DNM3: variants seen among roughly 807,000 people sequenced by gnomAD.
The protein encoded by DNM3 is dynamin 3, also known as dynamin-3.
In DNM3, 47 loss-of-function variants were observed where a neutral mutation model predicts 101.6. The observed-to-expected ratio is 0.46, with a 90% CI of 0.37 to 0.59. The LOEUF is 0.59. DNM3 is among the 20% of genes least tolerant of loss of function. The pLI, the probability that DNM3 is intolerant of heterozygous loss-of-function variation, is 0.00. For synonymous variants in DNM3, 385 were observed against 387.9 expected, an observed-to-expected ratio of 0.99 and a Z score of 0.09; for missense variants, 849 against 1,085.7, an observed-to-expected ratio of 0.78 and a Z score of 3.06.
intron 2 of DNM3, among the ~76,000 whole-genome samples, chr1:171,976,632 G>A (rs190463950): frequency 6.6e-6 from 1 of 152,112 alleles, no homozygotes; most frequent in East Asian, 1.9e-4. Context: ...CCATATCATT[G>A]ACATTTAAGG....
At chr1:171,885,482 C>T (rs1429512104) in intron 1 of DNM3, among the ~76,000 whole-genome samples, 1 of 152,088 alleles carries the variant, frequency 6.6e-6, no homozygotes, top group Non-Finnish European at 1.5e-5. Context: ...TTCTCAGAGT[C>T]AAGGCCTCTG....
rs747047154 is a variant in DNM3, at chr1:172,033,276, T to C, written c.849+11T>C. 2 of 1,580,424 alleles carry C rather than the reference T, an allele frequency of 1.3e-6. No homozygotes were observed. On this transcript the variant is annotated intron_variant, in intron 6 of 20. Transcript: ENST00000627582. Reference sequence around the variant, plus strand: ...AAGGTCCTTAATCAGGTAAAAATGTTCTTTCAAGCAACAAGAACAATTATG... The same window carrying C: ...AAGGTCCTTAATCAGGTAAAAATGTCCTTTCAAGCAACAAGAACAATTATG...
chr1:172,028,308 T>C (rs2048356243), intron 4 of DNM3, among the ~76,000 whole-genome samples: 1 of 152,220 alleles, frequency 6.6e-6, no homozygotes, highest in Non-Finnish European at 1.5e-5. Context: ...AACCTGCTCC[T>C]GAATGACTAC....
At chr1:172,340,261 TC>T (rs2066626612) in intron 17 of DNM3, among the ~76,000 whole-genome samples, 1 of 152,164 alleles carries the variant, frequency 6.6e-6, no homozygotes, top group African/African-American at 2.4e-5. Context: ...TAGGATGTAA[TC>T]AGAATCAGAT....
At chr1:172,302,319 G>T (rs1270255365) in intron 15 of DNM3, among the ~76,000 whole-genome samples, 1 of 152,216 alleles carries the variant, frequency 6.6e-6, no homozygotes, top group East Asian at 1.9e-4. Flanking sequence ...AGCAGGGGGA[G>T]GGGTGTCCCC....
intron 20 of DNM3, among the ~76,000 whole-genome samples, chr1:172,395,144 T>C (rs2069869516): frequency 6.6e-6 from 1 of 151,960 alleles, no homozygotes; most frequent in African/African-American, 2.4e-5. Context: ...GGGGAACTTC[T>C]TCCTTCTTTC....
intron 1 of DNM3, among the ~76,000 whole-genome samples, chr1:171,844,655 GAA>G (rs2031791377): frequency 1.3e-5 from 2 of 152,180 alleles, no homozygotes; most frequent in Non-Finnish European, 2.9e-5. Context: ...CTGAAGTGAT[GAA>G]CTTGCATATT....
chr1:171,882,585 A>C (rs113209114), intron 1 of DNM3, among the ~76,000 whole-genome samples: 1 of 152,102 alleles, frequency 6.6e-6, no homozygotes, highest in Non-Finnish European at 1.5e-5. Flanking sequence ...CCCATATTCA[A>C]AATTTGCCTA....
chr1:172,049,426 C>A (rs2050049427), intron 10 of DNM3, among the ~76,000 whole-genome samples: 1 of 152,142 alleles, frequency 6.6e-6, no homozygotes, highest in African/African-American at 2.4e-5. Context: ...TAAATGGTGG[C>A]TGATCCATAA....
intron 4 of DNM3, among the ~76,000 whole-genome samples, chr1:172,017,318 T>C (rs1259946366): frequency 2.0e-5 from 3 of 152,150 alleles, no homozygotes; most frequent in Non-Finnish European, 4.4e-5. Context: ...ATGTTTCTTT[T>C]TTTCTAATAT....
At position 171,901,128 on chromosome 1, in the gene DNM3, AAAAG is replaced by A. The variant is rs1344607024; in HGVS notation, c.162-20612_162-20609del. Reference sequence around the variant, plus strand: ...ACTCTGTCTCAAAAAAAAAAAAAAAAAAAGAAAGAAATCTATGAAGTTCAGCACC... The same window carrying A: ...ACTCTGTCTCAAAAAAAAAAAAAAAAAAAGAAATCTATGAAGTTCAGCACC... On this transcript the variant is annotated intron_variant, in intron 1 of 20. Coordinates refer to ENST00000627582, the MANE Select transcript of DNM3 (RefSeq NM_015569.5). Among the ~76,000 whole-genome samples the A allele has an allele frequency of 6.5e-3, 962 of 148,740 alleles. 64 individuals are homozygous for A. Among genetic ancestry groups the A allele is most frequent in the African/African-American group, 0.01 (420 of 40,488 alleles).
At chr1:172,065,054 G>A (rs760631939) in intron 10 of DNM3, among the ~76,000 whole-genome samples, 3 of 152,168 alleles carry the variant, frequency 2.0e-5, no homozygotes, top group Non-Finnish European at 4.4e-5. Flanking sequence ...CAATGCTCCT[G>A]CCAAGGCCAG....
At chr1:172,171,532 A>C (rs1022316825) in intron 14 of DNM3, among the ~76,000 whole-genome samples, 1 of 151,762 alleles carries the variant, frequency 6.6e-6, no homozygotes, top group Non-Finnish European at 1.5e-5. Flanking sequence ...TTAGCTGTGC[A>C]TTTTATCCAA....
chr1:172,125,717 A>G (rs1397848652), intron 13 of DNM3, among the ~76,000 whole-genome samples: 3 of 152,272 alleles, frequency 2.0e-5, no homozygotes, highest in Admixed American at 6.5e-5. Context: ...TCATGTAATT[A>G]TGGGTTTGCT....
At chr1:172,106,619 A>G (rs1291052461) in intron 13 of DNM3, among the ~76,000 whole-genome samples, 2 of 152,112 alleles carry the variant, frequency 1.3e-5, no homozygotes, top group Non-Finnish European at 2.9e-5. Context: ...ATTTTCAAAA[A>G]AAGTAAATTC....
At chr1:171,890,745 C>T (rs560064564) in intron 1 of DNM3, among the ~76,000 whole-genome samples, 2 of 152,110 alleles carry the variant, frequency 1.3e-5, no homozygotes, top group South Asian at 2.1e-4. Context: ...AATATGTATA[C>T]GTCTATTTAG....
intron 14 of DNM3, among the ~76,000 whole-genome samples, chr1:172,192,480 C>T (rs930350796): frequency 6.7e-6 from 1 of 149,770 alleles, no homozygotes; most frequent in African/African-American, 2.5e-5. Context: ...CACCCACTAA[C>T]TTGTCATCTA....
At chr1:172,213,177 C>T (rs1177566108) in intron 14 of DNM3, among the ~76,000 whole-genome samples, 7 of 152,060 alleles carry the variant, frequency 4.6e-5, no homozygotes, top group African/African-American at 1.4e-4. Context: ...CCATCAGGTC[C>T]GGGCCACAGC....
chr1:172,032,526 C>CT lies in DNM3; in HGVS notation c.688+55dup, dbSNP rs750270768. On this transcript the variant is annotated intron_variant, in intron 5 of 20. Transcript: ENST00000627582. The stretch of plus-strand genomic sequence containing the variant: ...GTAATGTACTGTGGTCTATACAAGA[C>CT]TTTTTTTTTTTTTTTTTTTTTTTTT... 2,385 of 360,170 alleles carry CT rather than the reference C, an allele frequency of 6.6e-3. 163 individuals are homozygous for CT. Among genetic ancestry groups the CT allele is most frequent in the African/African-American group, 9.8e-3 (329 of 33,634 alleles). 22.3% of individuals were successfully genotyped at this position (360,170 alleles called of 1,614,324 possible).
Sources: allele counts gnomAD v4.1 joint callset (sites outside exome capture counted in the v4.1 genomes callset), GRCh38; gene constraint gnomAD v4.1.1; transcripts MANE v1.5; gene names NCBI Gene and HGNC (gene_info 2026-07-23, HGNC 2026-07-21).